The following VWF variants were observed in gnomAD, a reference collection of about 807,000 sequenced individuals.
The protein encoded by VWF is von Willebrand factor.
A neutral mutation model predicts 308.6 loss-of-function variants in VWF; 176 were observed. The observed-to-expected ratio is 0.57, with a 90% CI of 0.50 to 0.65. The LOEUF is 0.65. Among genes scored for constraint, VWF ranks in the 30% least tolerant of loss-of-function variants. The pLI is 0.00. For missense variants in VWF, 3,146 were observed against 3,648.2 expected (o/e 0.86, Z 3.55); for synonymous variants, 1,385 against 1,443.4 (o/e 0.96, Z 0.92).
At chr12:6,026,579 C>T (rs531419843) in intron 22 of VWF, among the ~76,000 whole-genome samples, 2 of 152,204 alleles carry the variant, frequency 1.3e-5, no homozygotes, top group Non-Finnish European at 2.9e-5. Flanking sequence ...TCTCACCTGT[C>T]TCCATGTTCA....
intron 42 of VWF, among the ~76,000 whole-genome samples, chr12:5,979,427 T>C (rs547726014): frequency 6.6e-6 from 1 of 152,226 alleles, no homozygotes; most frequent in Non-Finnish European, 1.5e-5. Context: ...GGTTGCTTCA[T>C]CTGAACACAT....
chr12:6,107,721 C>G lies in VWF; in HGVS notation c.532+2653G>C, dbSNP rs184106008. ...TCGCCCAGGCTGGAGTGCAGTGGTGCGATTTCAGCTCACTGCAAGCTCCGC... is the reference window on the plus strand; with the variant it reads ...TCGCCCAGGCTGGAGTGCAGTGGTGGGATTTCAGCTCACTGCAAGCTCCGC... On this transcript the variant is annotated intron_variant, in intron 5 of 51. Transcript: ENST00000261405. 1.5e-4 allele frequency among the ~76,000 whole-genome samples: 23 copies of G among 152,048 alleles called. No individual in the cohort carries two copies. In the East Asian group the frequency reaches 4.5e-3, roughly 30 times the overall value.
chr12:6,078,446 A>T (rs945905913), intron 6 of VWF, among the ~76,000 whole-genome samples: 2 of 152,180 alleles, frequency 1.3e-5, no homozygotes, highest in Admixed American at 1.3e-4. Context: ...TGCCTACCCC[A>T]TCAAAAATGT....
At chr12:5,976,421 T>C (rs903865754) in intron 42 of VWF, among the ~76,000 whole-genome samples, 161 bp from the exon 43 acceptor site, 1 of 152,084 alleles carries the variant, frequency 6.6e-6, no homozygotes, top group African/African-American at 2.4e-5. Flanking sequence ...TAAAGCAGAT[T>C]TCGTCCTCCT....
intron 2 of VWF, among the ~76,000 whole-genome samples, chr12:6,122,409 T>C (rs559532776): frequency 7.2e-5 from 11 of 152,324 alleles, no homozygotes; most frequent in African/African-American, 2.6e-4. Context: ...ACAGGCTAAC[T>C]CCTTCACTGA....
At chr12:5,961,762 G>C (rs1943319803) in intron 47 of VWF, among the ~76,000 whole-genome samples, 1 of 152,054 alleles carries the variant, frequency 6.6e-6, no homozygotes, top group Non-Finnish European at 1.5e-5. Flanking sequence ...TAGGTAATAA[G>C]TGTAACAAAA....
At chr12:6,082,432 C>T (rs974482942) in intron 6 of VWF, among the ~76,000 whole-genome samples, 2 of 152,018 alleles carry the variant, frequency 1.3e-5, no homozygotes, top group African/African-American at 2.4e-5. Context: ...TATACAGGGG[C>T]CCTGCGATTA....
rs1014078327 is a variant in VWF at position 6,103,411 on chromosome 12, C to T, written c.532+6963G>A. Among the ~76,000 whole-genome samples the T allele has an allele frequency of 1.1e-4, 11 of 99,568 alleles. 1 individual carries two copies. The highest frequency in any genetic ancestry group is 7.3e-4 in the African/African-American group (5 of 6,804). 65.3% of individuals were successfully genotyped at this position (99,568 alleles called of 152,430 possible). A position where few individuals can be genotyped will look rare whatever the true frequency, so the allele number is the denominator to read the frequency against. ...GTGTGTGTATACACGTGTGTGTATA[C>T]ACACGTGTGTGTATACACACGTGTG... On this transcript the variant is annotated intron_variant, in intron 5 of 51. Coordinates refer to ENST00000261405, the MANE Select transcript of VWF (RefSeq NM_000552.5).
intron 38 of VWF, among the ~76,000 whole-genome samples, chr12:5,986,298 G>A (rs908207386): frequency 5.9e-5 from 9 of 152,172 alleles, no homozygotes; most frequent in South Asian, 4.1e-4. Flanking sequence ...TAAAATGAGC[G>A]TACTCAAGCC....
Position 6,075,173 on chromosome 12 carries a change from A to G in VWF, c.874+162T>C, listed in dbSNP as rs999934358. 1.3e-5 allele frequency among the ~76,000 whole-genome samples: 2 copies of G among 152,142 alleles called. No individual in the cohort carries two copies. The highest frequency in any genetic ancestry group is 4.8e-5 in the African/African-American group (2 of 41,426). On this transcript the variant is annotated intron_variant, in intron 7 of 51. Transcript: ENST00000261405. The surrounding 1 kb of genome is among the most constrained non-coding windows in gnomAD (Gnocchi z 4.7). Reference sequence around the variant, plus strand: ...GCCCGTTTGACAGAGGGCAGGAGCCATTCAGGAAATGGGTCCGGGACACGT... The same window carrying G: ...GCCCGTTTGACAGAGGGCAGGAGCCGTTCAGGAAATGGGTCCGGGACACGT...
At chr12:6,121,656 C>T (rs1252041673) in intron 2 of VWF, among the ~76,000 whole-genome samples, 1 of 152,300 alleles carries the variant, frequency 6.6e-6, no homozygotes, top group Non-Finnish European at 1.5e-5. Flanking sequence ...GCTGGCCGGG[C>T]ACAGTGGCTC....
chr12:5,995,500 T>G lies in VWF; in HGVS notation c.6063+502A>C, dbSNP rs554023030. ...ATTTCTACACGAACAAGTAAAGAAG[T>G]TGGCATAGTGTAACCTTTTGTAAGC... On this transcript the variant is annotated intron_variant, in intron 35 of 51. Coordinates refer to ENST00000261405, the MANE Select transcript of VWF (RefSeq NM_000552.5). Among the ~76,000 whole-genome samples the G allele has an allele frequency of 1.2e-4, 18 of 152,332 alleles. No homozygotes were observed. The South Asian group carries it at 3.1e-3, about 26-fold the overall frequency.
Position 6,023,810 on chromosome 12 carries a change from C to T in VWF, c.3223-23G>A, listed in dbSNP as rs781545430. The T allele has an allele frequency of 3.1e-6, 5 of 1,609,970 alleles. No homozygotes were observed. The East Asian group carries it at 1.1e-4, about 36-fold the overall frequency. On this transcript the variant is annotated intron_variant, in intron 24 of 51. Coordinates refer to ENST00000261405, the MANE Select transcript of VWF (RefSeq NM_000552.5). ...CACCTGCAAAGGCAGCCTCAGGTGGCCCAGGCCTATGGCCAGGTGTCAGGA... is the reference window on the plus strand; with the variant it reads ...CACCTGCAAAGGCAGCCTCAGGTGGTCCAGGCCTATGGCCAGGTGTCAGGA...
rs374622681 is a variant in VWF, at chr12:6,029,446, C to T, written c.2863G>A (p.Val955Met). The T allele has an allele frequency of 1.9e-6, 3 of 1,614,178 alleles. No homozygotes were observed. The highest frequency in any genetic ancestry group is 2.2e-5 in the East Asian group (1 of 44,874). Residue 955 changes from valine (V) to methionine (M), a missense_variant, in exon 22 of 52, where the codon GTG (valine) becomes ATG (methionine). Transcript: ENST00000261405. ...ATGATGTACCGGCCAGACTCCACCA[C>T]CTCAAAGTGAGTCTCATCCTTCATG... ...RPMKDETHFE[V>M]VESGRYIILL... is the part of the protein sequence containing the mutation.
intron 6 of VWF, among the ~76,000 whole-genome samples, chr12:6,092,741 T>G (rs1046281528): frequency 2.6e-5 from 4 of 151,380 alleles, no homozygotes; most frequent in Non-Finnish European, 5.9e-5. Context: ...TTACAGAGGC[T>G]GTGCACAAGA....
rs552626113 is a variant in VWF, at chr12:5,968,502, C to G, written c.7730-335G>C. 2.0e-5 allele frequency among the ~76,000 whole-genome samples: 3 copies of G among 152,282 alleles called. No homozygotes were observed. In the East Asian group the frequency reaches 5.8e-4, roughly 29 times the overall value. On this transcript the variant is annotated intron_variant, in intron 45 of 51. Transcript: ENST00000261405. ...ACGCTACTCTTGAAAATTTCAGTTTCAAGAATTCAGTGGCCAGGCACAGTG... is the reference window on the plus strand; with the variant it reads ...ACGCTACTCTTGAAAATTTCAGTTTGAAGAATTCAGTGGCCAGGCACAGTG...
At chr12:6,119,193 T>C (rs1945403477) in intron 3 of VWF, among the ~76,000 whole-genome samples, 1 of 152,234 alleles carries the variant, frequency 6.6e-6, no homozygotes, top group Non-Finnish European at 1.5e-5. Context: ...CTTCACCCGA[T>C]GGTACAGCCT....
intron 6 of VWF, among the ~76,000 whole-genome samples, chr12:6,089,079 C>T (rs530596201): frequency 2.0e-5 from 3 of 152,306 alleles, no homozygotes; most frequent in South Asian, 4.1e-4. Context: ...ACTCTGCCAC[C>T]CCGAACGGCC....
At chr12:6,040,151 C>T (rs1372778152) in intron 18 of VWF, among the ~76,000 whole-genome samples, 2 of 152,118 alleles carry the variant, frequency 1.3e-5, no homozygotes, top group African/African-American at 2.4e-5. Context: ...TTACCCTTGC[C>T]GCCGGACTCA....
Sources: gnomAD v4.1 joint callset for allele counts (sites outside exome capture counted in the v4.1 genomes callset) on GRCh38, gnomAD v4.1.1 for gene constraint, Gnocchi (gnomAD v3.1) non-coding constraint, MANE v1.5 for transcripts, NCBI Gene and HGNC (gene_info 2026-07-23, HGNC 2026-07-21) for gene names.